Variants in MDM4 observed in about 807,000 individuals in gnomAD.
MDM4 encodes the protein MDM4 regulator of p53, also known as protein Mdm4.
A neutral mutation model predicts 60.2 loss-of-function variants in MDM4; 2 were observed. The observed-to-expected ratio is 0.03, with a 90% confidence interval of 0.01 to 0.10. MDM4 has a LOEUF of 0.10. MDM4 is among the 10% of genes least tolerant of loss of function. MDM4 has a pLI of 1.00. For missense variants in MDM4, 447 were observed against 577.5 expected, an observed-to-expected ratio of 0.77 and a Z score of 2.32; for synonymous variants, 202 against 198.1, an observed-to-expected ratio of 1.02 and a Z score of -0.17.
At chr1:204,542,530 G>C (rs1662208602) in intron 7 of MDM4, among the ~76,000 whole-genome samples, 1 of 151,200 alleles carries the variant, frequency 6.6e-6, no homozygotes, top group Non-Finnish European at 1.5e-5. Flanking sequence ...TCTTCTCATA[G>C]AAGACAATGC....
chr1:204,557,201 C>T lies in MDM4; in HGVS notation c.*7519C>T, dbSNP rs1404497800. The T allele has an allele frequency of 5.1e-6, 1 of 194,368 alleles. No individual in the cohort carries two copies. The highest frequency in any genetic ancestry group is 1.1e-5 in the Non-Finnish European group (1 of 93,360). 12.0% of individuals were successfully genotyped at this position (194,368 alleles called of 1,614,324 possible). On this transcript the variant is annotated 3_prime_UTR_variant, in exon 11 of 11. Coordinates refer to ENST00000367182, the MANE Select transcript of MDM4 (RefSeq NM_002393.5). ...TCATGTTCTGGAAGCTGAGCACTAGCTCCCCTTTATTGCCTGCCTGGCAGA... is the reference window on the plus strand; with the variant it reads ...TCATGTTCTGGAAGCTGAGCACTAGTTCCCCTTTATTGCCTGCCTGGCAGA...
chr1:204,549,471 G>C lies in MDM4; in HGVS notation c.1262G>C (p.Arg421Thr), dbSNP rs372145936. The C allele has an allele frequency of 1.9e-6, 3 of 1,611,114 alleles. No individual in the cohort carries two copies. In the African/African-American group the frequency reaches 4.0e-5, roughly 22 times the overall value. ...GEQLDNLSEQ[R>T]TDTENMEDCQ... ...CAGTTAGATAACCTTTCTGAACAGA[G>C]AACAGATACAGAAAACATGGAGGAT... Residue 421 changes from arginine (R) to threonine (T), a missense_variant, in exon 11 of 11, where the codon AGA (arginine) becomes ACA (threonine). Transcript: ENST00000367182.
chr1:204,555,860 C>CA lies in MDM4; in HGVS notation c.*6186dup, dbSNP rs1000400717. The CA allele has an allele frequency of 8.1e-5, 15 of 184,216 alleles. No homozygotes were observed. The highest frequency in any genetic ancestry group is 8.8e-5 in the East Asian group (1 of 11,378). 11.4% of individuals were successfully genotyped at this position (184,216 alleles called of 1,614,324 possible). ...CACCTGGGTGACAGAGACTCTGTCT[C>CA]AAAAAAAAGGACATTTATCATTATA... On this transcript the variant is annotated 3_prime_UTR_variant, in exon 11 of 11. Transcript: ENST00000367182.
Position 204,532,886 on chromosome 1 carries a change from GAATAAATTCAA to G in MDM4, c.343+641_343+651del, listed in dbSNP as rs1661013160. On this transcript the variant is annotated intron_variant, in intron 5 of 10. Coordinates refer to ENST00000367182, the MANE Select transcript of MDM4 (RefSeq NM_002393.5). Reference sequence around the variant, plus strand: ...TATTTTTGGTAAACTGGTAGTGCTTGAATAAATTCAAGTTTAAATTTTTTGCCAAGAAAGCT... The same window carrying G: ...TATTTTTGGTAAACTGGTAGTGCTTGGTTTAAATTTTTTGCCAAGAAAGCT... The G allele has an allele frequency of 1.2e-5, 18 of 1,557,464 alleles. No individual in the cohort carries two copies. In the South Asian group the frequency reaches 2.2e-4, roughly 19 times the overall value.
intron 1 of MDM4, 110 bp downstream of exon 1, chr1:204,516,619 G>A (rs1457074571): frequency 6.6e-6 from 1 of 152,422 alleles, no homozygotes; most frequent in East Asian, 1.9e-4. Context: ...GAGCTTGAGA[G>A]GTGGGTCGGG....
At chr1:204,520,292 A>AG (rs2102285863) in intron 1 of MDM4, among the ~76,000 whole-genome samples, 1 of 152,016 alleles carries the variant, frequency 6.6e-6, no homozygotes, top group South Asian at 2.1e-4. Context: ...AAAAAAAAAA[A>AG]AAAATGAATT....
intron 1 of MDM4, 168 bp from the exon 2 acceptor site, chr1:204,525,313 AAGT>A (rs1660015873): frequency 2.0e-6 from 2 of 984,478 alleles, no homozygotes; most frequent in Non-Finnish European, 2.4e-6. Context: ...CAGAACTAGA[AAGT>A]AGTCAGAAGA....
chr1:204,525,930 G>A (rs1660087016), intron 2 of MDM4, among the ~76,000 whole-genome samples: 1 of 151,928 alleles, frequency 6.6e-6, no homozygotes, highest in African/African-American at 2.4e-5. Flanking sequence ...AAGAGAGTGA[G>A]ACCTTGTCTC....
intron 7 of MDM4, among the ~76,000 whole-genome samples, chr1:204,542,155 G>A (rs1285044824): frequency 1.3e-5 from 2 of 152,180 alleles, no homozygotes; most frequent in African/African-American, 2.4e-5. Flanking sequence ...TTGATCCAGC[G>A]AGGGCATATG....
At chr1:204,542,988 A>AG in intron 8 of MDM4, 44 bp downstream of exon 8, 1 of 1,506,380 alleles carries the variant, frequency 6.6e-7, no homozygotes, top group Non-Finnish European at 9.1e-7. Context: ...TTCTTTTGAA[A>AG]GGGTAACATT....
chr1:204,540,373 T>C (rs1208524893), intron 7 of MDM4, among the ~76,000 whole-genome samples: 4 of 152,244 alleles, frequency 2.6e-5, no homozygotes, highest in Non-Finnish European at 4.4e-5. Context: ...AAAATTGTTT[T>C]TGCCCTTGGA....
In MDM4 at chr1:204,552,884, T is replaced by C. The variant is rs898044032; in HGVS notation, c.*3202T>C. ...TTTCTTTTCTTTTCTTTTTTTTTTT[T>C]TTTTACTTGAGATGGAGTTTTGCTC... is the stretch of plus-strand genomic sequence containing the variant. On this transcript the variant is annotated 3_prime_UTR_variant, in exon 11 of 11. Transcript: ENST00000367182. The C allele has an allele frequency of 3.7e-5, 6 of 164,358 alleles. No homozygotes were observed. Among genetic ancestry groups the C allele is most frequent in the African/African-American group, 1.2e-4 (5 of 41,706 alleles). 10.2% of individuals were successfully genotyped at this position (164,358 alleles called of 1,614,324 possible).
intron 8 of MDM4, among the ~76,000 whole-genome samples, chr1:204,543,149 A>G (rs533626885): frequency 1.2e-4 from 18 of 152,238 alleles, no homozygotes; most frequent in East Asian, 7.7e-4. Context: ...CCAGATGCCT[A>G]TTTAACTAAC....
At chr1:204,533,745 A>G (rs916192487) in intron 5 of MDM4, among the ~76,000 whole-genome samples, 3 of 148,624 alleles carry the variant, frequency 2.0e-5, no homozygotes, top group African/African-American at 7.4e-5. Flanking sequence ...AGAAGAATCC[A>G]TTCCTTTTTA....
In MDM4 at chr1:204,542,845, G is replaced by A. The variant is rs546804294; in HGVS notation, c.573G>A (p.Glu191=). ...CATCTAGGCTGGACCTTGGATTTGA[G>A]GAGTGGGATGTAGCTGGCCTGCCTT... ...DETSRLDLGF[E]EWDVAGLPWW... Residue 191 remains glutamate (E), a synonymous_variant, in exon 8 of 11, where the codon GAG becomes GAA. Transcript: ENST00000367182. 2 of 1,614,050 alleles carry A rather than the reference G, an allele frequency of 1.2e-6. No homozygotes were observed. Among genetic ancestry groups the A allele is most frequent in the South Asian group, 2.2e-5 (2 of 91,078 alleles).
At chr1:204,517,590 T>C (rs1659116021) in intron 1 of MDM4, among the ~76,000 whole-genome samples, 1 of 151,944 alleles carries the variant, frequency 6.6e-6, no homozygotes, top group Non-Finnish European at 1.5e-5. Flanking sequence ...TTATTAGAGA[T>C]GAGGTTTCAC....
At position 204,532,697 on chromosome 1, in the gene MDM4, T is replaced by TA; in HGVS notation, c.343+452dup. The TA allele has an allele frequency of 2.0e-6, 3 of 1,504,688 alleles. No individual in the cohort carries two copies. In the South Asian group the frequency reaches 3.7e-5, roughly 19 times the overall value. 93.2% of individuals were successfully genotyped at this position (1,504,688 alleles called of 1,614,324 possible). A position where few individuals can be genotyped will look rare whatever the true frequency, so the allele number is the denominator to read the frequency against. On this transcript the variant is annotated intron_variant, in intron 5 of 10. Coordinates refer to ENST00000367182, the MANE Select transcript of MDM4 (RefSeq NM_002393.5). ...AAGTCCACACATTGCCTTTGGTTGA[T>TA]ATGTCTCATAAGTGTCTTTAATCTA...
chr1:204,529,745 A>G, intron 3 of MDM4: 1 of 475,350 alleles, frequency 2.1e-6, no homozygotes. Flanking sequence ...GGATTTTTAT[A>G]TCATTATAGT....
At chr1:204,518,989 G>C (rs1342231928) in intron 1 of MDM4, among the ~76,000 whole-genome samples, 1 of 152,186 alleles carries the variant, frequency 6.6e-6, no homozygotes, top group East Asian at 1.9e-4. Flanking sequence ...TGTTGAAGAG[G>C]TGACATTTAA....
Sources: gnomAD v4.1 joint callset for allele counts (sites outside exome capture counted in the v4.1 genomes callset) on GRCh38, gnomAD v4.1.1 for gene constraint, MANE v1.5 for transcripts, NCBI Gene and HGNC (gene_info 2026-07-23, HGNC 2026-07-21) for gene names.